Variants in C6 observed in about 807,000 individuals in gnomAD.
C6 encodes the protein complement component C6.
C6 carries 101 observed loss-of-function variants against 112.9 expected under a neutral mutation model. The ratio of observed to expected loss-of-function variants is 0.89; its 90% CI spans 0.76 to 1.06. The LOEUF (loss-of-function observed/expected upper bound fraction) is 1.06. C6 is among the 50% of genes least tolerant of loss of function. C6 has a pLI of 0.00. For missense variants in C6, 1,202 were observed against 1,104.6 expected (o/e 1.09, Z -1.25); for synonymous variants, 431 against 384.1 (o/e 1.12, Z -1.43).
intron 9 of C6, among the ~76,000 whole-genome samples, chr5:41,169,020 G>C (rs1748205421): frequency 6.6e-6 from 1 of 152,120 alleles, no homozygotes; most frequent in African/African-American, 2.4e-5. Flanking sequence ...AGGTGAGAAA[G>C]TCTTGAGAAA....
chr5:41,220,592 T>C (rs2150403634), intron 1 of C6, among the ~76,000 whole-genome samples: 1 of 152,258 alleles, frequency 6.6e-6, no homozygotes, highest in Non-Finnish European at 1.5e-5. Context: ...ACCATATGAG[T>C]GAGGTGCAGT....
intron 10 of C6, 152 bp downstream of exon 10, chr5:41,161,541 C>T: frequency 1.4e-6 from 1 of 698,612 alleles, no homozygotes; most frequent in Non-Finnish European, 2.6e-6. Flanking sequence ...TGCAATTTAA[C>T]ATTTAAAAAA....
intron 9 of C6, among the ~76,000 whole-genome samples, chr5:41,167,257 C>T (rs1748059985): frequency 6.6e-6 from 1 of 151,994 alleles, no homozygotes; most frequent in African/African-American, 2.4e-5. Flanking sequence ...AAGGGCCAGG[C>T]TCTTGAGAGA....
intron 5 of C6, among the ~76,000 whole-genome samples, chr5:41,187,086 T>C (rs1458612884): frequency 6.6e-6 from 1 of 152,198 alleles, no homozygotes; most frequent in African/African-American, 2.4e-5. Flanking sequence ...ATATAAATTG[T>C]CAGTCTCCAA....
intron 15 of C6, 142 bp downstream of exon 15, chr5:41,153,668 G>A (rs1263339872): frequency 1.5e-6 from 1 of 653,890 alleles, no homozygotes; most frequent in Non-Finnish European, 2.8e-6. Context: ...CTATTGCATA[G>A]TTCCGGTTTG....
At chr5:41,205,695 C>A (rs1037003966) in intron 1 of C6, among the ~76,000 whole-genome samples, 5 of 152,208 alleles carry the variant, frequency 3.3e-5, no homozygotes, top group African/African-American at 1.2e-4. Context: ...TTTGCTGAGG[C>A]TTGAGTAGGT....
chr5:41,149,353 GC>G lies in C6; in HGVS notation c.2510del (p.Cys837SerfsTer7). On this transcript the variant is annotated frameshift_variant, in exon 17 of 18. Transcript: ENST00000337836. LOFTEE classifies it high-confidence loss of function. ...CCCATTCTAACTGGCGGCCGTCTTG[GC>G]AGGAACCAATATGTAGAAAATGGAG... ...QQLHFLHIGSCQDGRQLEWGL... is the reference protein window; with the variant it reads ...QQLHFLHIGSXQDGRQLEWGL... The G allele has an allele frequency of 6.2e-7, 1 of 1,614,046 alleles. No individual in the cohort carries two copies.
intron 5 of C6, among the ~76,000 whole-genome samples, chr5:41,194,033 C>T (rs1369471603): frequency 6.6e-6 from 1 of 152,106 alleles, no homozygotes; most frequent in East Asian, 1.9e-4. Context: ...AGCCAAAGTA[C>T]ACATAGCATG....
At chr5:41,257,761 A>C (rs1416508551) in intron 1 of C6, among the ~76,000 whole-genome samples, 1 of 152,162 alleles carries the variant, frequency 6.6e-6, no homozygotes, top group Non-Finnish European at 1.5e-5. Flanking sequence ...TCTAAGGCTG[A>C]CATATATACT....
chr5:41,189,929 G>A (rs571156142), intron 5 of C6, among the ~76,000 whole-genome samples: 1 of 152,208 alleles, frequency 6.6e-6, no homozygotes, highest in African/African-American at 2.4e-5. Flanking sequence ...TGTTTCTCCA[G>A]TGACAAGGTT....
At chr5:41,256,443 T>TAAAAAAAAAAAAAAAAAAAAAAAAAA (rs5867547) in intron 1 of C6, among the ~76,000 whole-genome samples, 1 of 122,908 alleles carries the variant, frequency 8.1e-6, no homozygotes, top group East Asian at 2.4e-4. Context: ...AAAAAAAAAG[T>TAAAAAAAAAAAAAAAAAAAAAAAAAA]AAAAAAAAAA....
chr5:41,201,867 C>A (rs532572026), intron 2 of C6, among the ~76,000 whole-genome samples, 153 bp from the exon 3 acceptor site: 1 of 152,190 alleles, frequency 6.6e-6, no homozygotes, highest in South Asian at 2.1e-4. Flanking sequence ...ATGCAGTTCT[C>A]ACCACTTAAT....
chr5:41,190,259 C>T (rs1388680517), intron 5 of C6, among the ~76,000 whole-genome samples: 2 of 152,160 alleles, frequency 1.3e-5, no homozygotes, highest in Non-Finnish European at 2.9e-5. Context: ...TCTCCACATC[C>T]TTTCCAGCAT....
chr5:41,191,656 T>G (rs1466232203), intron 5 of C6, among the ~76,000 whole-genome samples: 1 of 152,172 alleles, frequency 6.6e-6, no homozygotes, highest in Non-Finnish European at 1.5e-5. Context: ...TCCTAGGTAT[T>G]TTTTTGTAGC....
rs148642672 is a variant in C6, at chr5:41,227,429, T to C, written c.-20-24179A>G. On this transcript the variant is annotated intron_variant, in intron 1 of 17. Transcript: ENST00000263413. ...TGTCTGTTCACTCTATTGATTGTTATCTTGACTGTGCAGGAGATTTATAGT... is the reference window on the plus strand; with the variant it reads ...TGTCTGTTCACTCTATTGATTGTTACCTTGACTGTGCAGGAGATTTATAGT... 1.3e-3 allele frequency among the ~76,000 whole-genome samples: 191 copies of C among 152,270 alleles called. 2 individuals carry two copies. The highest frequency in any genetic ancestry group is 4.1e-3 in the African/African-American group (170 of 41,566).
At chr5:41,200,891 GTTTTTTT>G (rs143443464) in intron 3 of C6, among the ~76,000 whole-genome samples, 8 of 70,654 alleles carry the variant, frequency 1.1e-4, no homozygotes, top group East Asian at 9.9e-4. Context: ...TGTTGTTGTT[GTTTTTTT>G]TTTTTTTTTT....
intron 1 of C6, among the ~76,000 whole-genome samples, chr5:41,204,659 C>CTTTTTTTTTTTTTTT (rs56809256): frequency 7.5e-6 from 1 of 133,330 alleles, no homozygotes; most frequent in Non-Finnish European, 1.5e-5. Flanking sequence ...AATCAGTAAG[C>CTTTTTTTTTTTTTTT]TTTTTTTTTT....
At chr5:41,246,169 C>T (rs1381278860) in intron 1 of C6, among the ~76,000 whole-genome samples, 1 of 152,140 alleles carries the variant, frequency 6.6e-6, no homozygotes, top group African/African-American at 2.4e-5. Flanking sequence ...AAATTTTAGT[C>T]CCAGTCTAAA....
intron 1 of C6, among the ~76,000 whole-genome samples, chr5:41,231,981 G>A (rs1246338057): frequency 6.6e-6 from 1 of 151,816 alleles, no homozygotes; most frequent in Non-Finnish European, 1.5e-5. Flanking sequence ...TAGTGTCTGT[G>A]GAGATGACTA....
Sources: gnomAD v4.1 joint callset for allele counts (sites outside exome capture counted in the v4.1 genomes callset) on GRCh38, gnomAD v4.1.1 for gene constraint, MANE v1.5 for transcripts, NCBI Gene and HGNC (gene_info 2026-07-23, HGNC 2026-07-21) for gene names.